TMEM163: variants seen among roughly 807,000 people sequenced by gnomAD.
TMEM163 encodes the protein transmembrane protein 163.
In TMEM163, 17 loss-of-function variants were observed where a neutral mutation model predicts 29.3. The ratio of observed to expected loss-of-function variants is 0.58; its 90% confidence interval spans 0.40 to 0.87. TMEM163 has a LOEUF of 0.87. Among genes scored for constraint, TMEM163 ranks in the 40% least tolerant of loss-of-function variants. The probability of loss-of-function intolerance (pLI) is 0.00; values close to 1 mark genes in which losing one functional copy is unlikely to be tolerated. For synonymous variants in TMEM163, 157 were observed against 160.6 expected, an observed-to-expected ratio of 0.98 and a Z score of 0.17; for missense variants, 303 against 381.5, an observed-to-expected ratio of 0.79 and a Z score of 1.71.
intron 2 of TMEM163, among the ~76,000 whole-genome samples, chr2:134,686,988 T>G (rs1684364206): frequency 6.6e-6 from 1 of 152,232 alleles, no homozygotes; most frequent in South Asian, 2.1e-4. Context: ...AAGCTGATTT[T>G]TTCACAATGG....
chr2:134,526,106 C>A (rs551739105), intron 4 of TMEM163, among the ~76,000 whole-genome samples: 4 of 152,226 alleles, frequency 2.6e-5, no homozygotes, highest in Non-Finnish European at 5.9e-5. Context: ...GGGCACTAGA[C>A]CTTTCAGAGC....
chr2:134,650,126 A>G (rs1283753350), intron 2 of TMEM163, among the ~76,000 whole-genome samples: 5 of 151,984 alleles, frequency 3.3e-5, no homozygotes, highest in Non-Finnish European at 5.9e-5. Context: ...GTACAACCAC[A>G]TTTTTGTGTT....
At chr2:134,596,912 T>G (rs1682098464) in intron 2 of TMEM163, among the ~76,000 whole-genome samples, 1 of 152,222 alleles carries the variant, frequency 6.6e-6, no homozygotes, top group Admixed American at 6.5e-5. Context: ...TTTGGCTCTG[T>G]TTGTCTGCTA....
intron 2 of TMEM163, among the ~76,000 whole-genome samples, chr2:134,578,279 G>C (rs114225944): frequency 7.2e-5 from 11 of 152,262 alleles, no homozygotes; most frequent in African/African-American, 2.4e-4. Flanking sequence ...ACTATTTCCT[G>C]TTCTGGATGT....
At chr2:134,553,183 C>T (rs924913781) in intron 2 of TMEM163, among the ~76,000 whole-genome samples, 1 of 152,198 alleles carries the variant, frequency 6.6e-6, no homozygotes, top group Admixed American at 6.5e-5. Flanking sequence ...CCCAGGCCTA[C>T]GTTCTGCAAG....
intron 4 of TMEM163, among the ~76,000 whole-genome samples, chr2:134,524,049 C>G (rs180873988): frequency 9.2e-5 from 14 of 152,284 alleles, no homozygotes; most frequent in African/African-American, 1.9e-4. Flanking sequence ...TATTTTAGAG[C>G]CTTGCAACCC....
intron 5 of TMEM163, among the ~76,000 whole-genome samples, chr2:134,471,250 C>G (rs1443989833): frequency 6.6e-6 from 1 of 152,178 alleles, no homozygotes; most frequent in Non-Finnish European, 1.5e-5. Flanking sequence ...TATGTTGAAG[C>G]CCTAACCCCA....
At chr2:134,549,292 G>C (rs1188882548) in intron 4 of TMEM163, among the ~76,000 whole-genome samples, 1 of 152,122 alleles carries the variant, frequency 6.6e-6, no homozygotes, top group Non-Finnish European at 1.5e-5. Flanking sequence ...GAATCACTTG[G>C]CCTCAAAGAG....
chr2:134,696,025 T>C (rs1286947956), intron 2 of TMEM163, among the ~76,000 whole-genome samples: 1 of 144,464 alleles, frequency 6.9e-6, no homozygotes, highest in Non-Finnish European at 1.5e-5. Flanking sequence ...CACTCCAGCC[T>C]GGGCAACAAG....
chr2:134,568,656 G>T (rs1389702543), intron 2 of TMEM163, among the ~76,000 whole-genome samples: 1 of 143,296 alleles, frequency 7.0e-6, no homozygotes, highest in African/African-American at 2.6e-5. Context: ...GGAGAAAAAA[G>T]AAGGAAGGAA....
At chr2:134,612,542 A>AACACACACTCACACAC (rs1682528592) in intron 2 of TMEM163, among the ~76,000 whole-genome samples, 1 of 140,568 alleles carries the variant, frequency 7.1e-6, no homozygotes, top group African/African-American at 2.7e-5. Context: ...GGTTTGCCCC[A>AACACACACTCACACAC]ACACACACAC....
At chr2:134,607,179 C>T in intron 2 of TMEM163, among the ~76,000 whole-genome samples, 1 of 94,088 alleles carries the variant, frequency 1.1e-5, no homozygotes, top group African/African-American at 4.6e-5. Context: ...AGGACAGACC[C>T]CGAGAACTGT....
intron 4 of TMEM163, among the ~76,000 whole-genome samples, chr2:134,543,859 T>C (rs1680726309): frequency 6.6e-6 from 1 of 152,216 alleles, no homozygotes; most frequent in African/African-American, 2.4e-5. Flanking sequence ...GGACATCCAC[T>C]GTGGGGCCCT....
intron 3 of TMEM163, 136 bp downstream of exon 3, chr2:134,551,912 G>A (rs1680937806): frequency 3.0e-6 from 2 of 658,352 alleles, no homozygotes; most frequent in Non-Finnish European, 5.3e-6. Context: ...TTTAATAGAA[G>A]TGGGTTTCCA....
chr2:134,697,176 C>A (rs1303230649), intron 2 of TMEM163, among the ~76,000 whole-genome samples: 1 of 152,076 alleles, frequency 6.6e-6, no homozygotes, highest in African/African-American at 2.4e-5. Flanking sequence ...ATGATGGTTA[C>A]TTTTTTCCTC....
chr2:134,487,882 C>T (rs780712490), intron 5 of TMEM163, among the ~76,000 whole-genome samples: 6 of 152,082 alleles, frequency 3.9e-5, no homozygotes, highest in Non-Finnish European at 8.8e-5. Context: ...ATTTTAAAGT[C>T]TAACCTTTAA....
intron 5 of TMEM163, among the ~76,000 whole-genome samples, chr2:134,483,142 C>T (rs996995388): frequency 6.6e-6 from 1 of 152,182 alleles, no homozygotes; most frequent in Non-Finnish European, 1.5e-5. Context: ...CAAGACATAG[C>T]CCAGCTTCTG....
intron 2 of TMEM163, among the ~76,000 whole-genome samples, chr2:134,626,670 A>G (rs1682859096): frequency 6.6e-6 from 1 of 152,190 alleles, no homozygotes; most frequent in Non-Finnish European, 1.5e-5. Flanking sequence ...CATGGACATC[A>G]TTGGGTAGTG....
intron 2 of TMEM163, among the ~76,000 whole-genome samples, chr2:134,661,985 G>A (rs866812320): frequency 1.4e-5 from 2 of 140,180 alleles, no homozygotes; most frequent in African/African-American, 5.5e-5. Context: ...AGGCTGGAGT[G>A]CAGTGGCGCA....
Sources: allele counts gnomAD v4.1 joint callset (sites outside exome capture counted in the v4.1 genomes callset), GRCh38; gene constraint gnomAD v4.1.1; transcripts MANE v1.5; gene names NCBI Gene and HGNC (gene_info 2026-07-23, HGNC 2026-07-21).